SMG1: variants seen among roughly 807,000 people sequenced by gnomAD.
SMG1 encodes SMG1 nonsense mediated mRNA decay associated PI3K related kinase, also known as serine/threonine-protein kinase SMG1.
In SMG1, 22 loss-of-function variants were observed where a neutral mutation model predicts 419.9. The ratio of observed to expected loss-of-function variants is 0.05; its 90% CI spans 0.04 to 0.07. SMG1 has a LOEUF of 0.07. SMG1 is among the 10% of genes least tolerant of loss of function. The probability of loss-of-function intolerance (pLI) is 1.00; values close to 1 mark genes in which losing one functional copy is unlikely to be tolerated. For missense variants in SMG1, 3,185 were observed against 4,342.0 expected (o/e 0.73, Z 7.49); for synonymous variants, 1,538 against 1,553.5 (o/e 0.99, Z 0.23).
At chr16:18,919,720 TA>T (rs1364468461) in intron 1 of SMG1, among the ~76,000 whole-genome samples, 3 of 149,750 alleles carry the variant, frequency 2.0e-5, no homozygotes, top group Non-Finnish European at 4.4e-5. Context: ...GAAGCATCAA[TA>T]TTTACTGAAT....
chr16:18,815,901 TCTTA>T (rs775127254), intron 58 of SMG1: 2 of 499,656 alleles, frequency 4.0e-6, no homozygotes, highest in African/African-American at 1.9e-5. Flanking sequence ...GGCTTAGTTT[TCTTA>T]CTTACTAGAC....
intron 3 of SMG1, among the ~76,000 whole-genome samples, chr16:18,893,230 T>C (rs1596611940): frequency 2.6e-5 from 4 of 152,324 alleles, no homozygotes; most frequent in Non-Finnish European, 4.4e-5. Flanking sequence ...ATGCCTCCAC[T>C]AGAAAGGTAG....
chr16:18,923,975 T>C (rs1596674992), intron 1 of SMG1, among the ~76,000 whole-genome samples: 2 of 152,234 alleles, frequency 1.3e-5, no homozygotes, highest in African/African-American at 4.8e-5. Context: ...TGCTATGGGG[T>C]ATGTCCACAC....
chr16:18,848,780 A>G (rs1033212259), intron 36 of SMG1, among the ~76,000 whole-genome samples: 2 of 152,014 alleles, frequency 1.3e-5, no homozygotes, highest in African/African-American at 4.8e-5. Context: ...TATTACTATT[A>G]AAAAACCTAC....
intron 1 of SMG1, among the ~76,000 whole-genome samples, chr16:18,923,707 G>C (rs1166863588): frequency 6.9e-6 from 1 of 144,866 alleles, no homozygotes; most frequent in East Asian, 2.0e-4. Context: ...GTACATAAGA[G>C]GCAAAAAAAA....
rs771973059 is a variant in SMG1 at position 18,841,690 on chromosome 16, G to A, written c.6571C>T (p.Arg2191Ter). 1 of 1,613,914 alleles carries A rather than the reference G, an allele frequency of 6.2e-7. No homozygotes were observed. Among genetic ancestry groups the A allele is most frequent in the East Asian group, 2.2e-5 (1 of 44,886 alleles). ...NRQETPRFHA[R>*]HYSVTPLGTR... ...CCTAGTGGTGTTACAGAATAGTGTC[G>A]AGCATGGAACCGGGGTGTTTCTTGG... Residue 2191 changes from arginine to a stop codon, truncating the protein, a stop_gained, in exon 41 of 63, where the codon CGA (arginine) becomes TGA (stop). Transcript: ENST00000446231. LOFTEE classifies it high-confidence loss of function.
chr16:18,821,217 G>GTTTTTTTTTTTTTTTTTTTTTTTTTT (rs2032501770), intron 55 of SMG1, among the ~76,000 whole-genome samples: 5 of 31,736 alleles, frequency 1.6e-4, no homozygotes, highest in Admixed American at 4.0e-4. Flanking sequence ...TATTTAGTAT[G>GTTTTTTTTTTTTTTTTTTTTTTTTTT]TTTCTTTTTT....
intron 60 of SMG1, among the ~76,000 whole-genome samples, chr16:18,814,935 T>C (rs776401008): frequency 6.7e-6 from 1 of 149,026 alleles, no homozygotes; most frequent in Admixed American, 6.8e-5. Context: ...AGAGACAGGG[T>C]CTTGAACTCC....
At chr16:18,812,619 CAT>C (rs764756959) in intron 60 of SMG1, among the ~76,000 whole-genome samples, 138 of 145,794 alleles carry the variant, frequency 9.5e-4, no homozygotes, top group Non-Finnish European at 1.4e-3. Context: ...TACATACACA[CAT>C]ATATATACAC....
chr16:18,907,976 T>C (rs1240027837), intron 1 of SMG1, among the ~76,000 whole-genome samples: 2 of 151,888 alleles, frequency 1.3e-5, no homozygotes, highest in African/African-American at 4.8e-5. Context: ...TTGCCAAGAT[T>C]GAAAGGAAAT....
At chr16:18,837,608 C>A (rs1308111596) in intron 45 of SMG1, among the ~76,000 whole-genome samples, 165 bp from the exon 46 acceptor site, 1 of 152,182 alleles carries the variant, frequency 6.6e-6, no homozygotes, top group South Asian at 2.1e-4. Flanking sequence ...CAAGTTTACA[C>A]AGGCATAAAC....
intron 62 of SMG1, among the ~76,000 whole-genome samples, chr16:18,810,240 A>G (rs1402184025): frequency 1.3e-5 from 2 of 152,220 alleles, no homozygotes; most frequent in Admixed American, 6.5e-5. Context: ...ACAAACTGAC[A>G]TGTGTCTCTT....
At chr16:18,921,963 C>T (rs1215494585) in intron 1 of SMG1, among the ~76,000 whole-genome samples, 2 of 152,210 alleles carry the variant, frequency 1.3e-5, no homozygotes, top group Non-Finnish European at 2.9e-5. Context: ...CAGTAAGACA[C>T]TCAATATAGA....
At chr16:18,918,823 C>G (rs577385419) in intron 1 of SMG1, among the ~76,000 whole-genome samples, 1 of 152,168 alleles carries the variant, frequency 6.6e-6, no homozygotes, top group East Asian at 1.9e-4. Flanking sequence ...TCAAGACCAG[C>G]CTGGCCAACC....
In SMG1 at chr16:18,850,324, C is replaced by T. The variant is rs1328736358; in HGVS notation, c.5196G>A (p.Val1732=). Residue 1732 remains valine, a synonymous_variant, in exon 34 of 63, where the codon GTG becomes GTA. Coordinates refer to ENST00000446231, the MANE Select transcript of SMG1 (RefSeq NM_015092.5). ...ATATTCTATCTACAACTTTCCTCCA[C>T]ACTTTAATAACTCCTTCAGTTGCAC... is the stretch of plus-strand genomic sequence containing the variant. ...DESATEGVIK[V]WRKVVDRIFS... 6.2e-7 allele frequency: 1 copy of T among 1,613,956 alleles called. No homozygotes were observed. The highest frequency in any genetic ancestry group is 1.1e-5 in the South Asian group (1 of 91,072).
chr16:18,913,474 A>G (rs1167976330), intron 1 of SMG1, among the ~76,000 whole-genome samples: 3 of 152,112 alleles, frequency 2.0e-5, no homozygotes, highest in Non-Finnish European at 2.9e-5. Flanking sequence ...AGAAAACTTT[A>G]AATTCAAAGA....
At chr16:18,821,221 C>CTTTTTTTTTTTTTTTTTCTTT (rs2032509124) in intron 55 of SMG1, among the ~76,000 whole-genome samples, 2 of 35,600 alleles carry the variant, frequency 5.6e-5, no homozygotes, top group Non-Finnish European at 1.1e-4. Flanking sequence ...TAGTATGTTT[C>CTTTTTTTTTTTTTTTTTCTTT]TTTTTTTTTT....
intron 35 of SMG1, among the ~76,000 whole-genome samples, chr16:18,849,682 G>A (rs1174707549): frequency 6.6e-6 from 1 of 151,914 alleles, no homozygotes; most frequent in Non-Finnish European, 1.5e-5. Flanking sequence ...TTTTACAGAG[G>A]GTATATAAAA....
At chr16:18,842,730 C>T (rs1326592209) in intron 39 of SMG1, among the ~76,000 whole-genome samples, 1 of 152,066 alleles carries the variant, frequency 6.6e-6, no homozygotes, top group Non-Finnish European at 1.5e-5. Flanking sequence ...GAAGCTAGGG[C>T]AGGAGAAGAG....
Sources: allele counts gnomAD v4.1 joint callset (sites outside exome capture counted in the v4.1 genomes callset), GRCh38; gene constraint gnomAD v4.1.1; transcripts MANE v1.5; gene names NCBI Gene and HGNC (gene_info 2026-07-23, HGNC 2026-07-21).